FCRL1: variants seen among roughly 807,000 people sequenced by gnomAD.
The protein encoded by FCRL1 is Fc receptor like 1.
A neutral mutation model predicts 49.2 loss-of-function variants in FCRL1; 34 were observed. The observed-to-expected ratio is 0.69, with a 90% confidence interval of 0.53 to 0.92. The LOEUF is 0.92. FCRL1 is among the 40% of genes least tolerant of loss of function. FCRL1 has a pLI of 0.00. For synonymous variants in FCRL1, 218 were observed against 201.6 expected (o/e 1.08, Z -0.69); for missense variants, 524 against 524.1 (o/e 1.00, Z 0.00).
intron 1 of FCRL1, among the ~76,000 whole-genome samples, chr1:157,812,613 G>C (rs1451186545): frequency 6.6e-6 from 1 of 151,842 alleles, no homozygotes. Context: ...TTGCCTGTTG[G>C]GCCTGAGATA....
chr1:157,814,537 G>A (rs10908592), intron 1 of FCRL1, among the ~76,000 whole-genome samples: 66,779 of 151,582 alleles, frequency 0.44, 15,012 homozygotes, highest in African/African-American at 0.53. Flanking sequence ...ATAAACAACA[G>A]GAGAGAAACA....
intron 1 of FCRL1, among the ~76,000 whole-genome samples, chr1:157,817,606 T>A (rs970757503): frequency 2.6e-5 from 4 of 152,122 alleles, no homozygotes; most frequent in Admixed American, 2.0e-4. Flanking sequence ...TCTATGTCAC[T>A]GATTTGGGCA....
chr1:157,797,338 G>A (rs941816057), intron 9 of FCRL1, among the ~76,000 whole-genome samples: 2 of 152,186 alleles, frequency 1.3e-5, no homozygotes, highest in Non-Finnish European at 2.9e-5. Flanking sequence ...GGGAGGGTAA[G>A]TAGACCCTCT....
intron 10 of FCRL1, among the ~76,000 whole-genome samples, chr1:157,796,877 T>C (rs1017826685): frequency 2.6e-5 from 4 of 152,274 alleles, no homozygotes; most frequent in African/African-American, 9.6e-5. Flanking sequence ...ATCATTCATG[T>C]GTCCATTGCT....
intron 7 of FCRL1, among the ~76,000 whole-genome samples, chr1:157,798,782 A>G (rs1037524634): frequency 6.6e-6 from 1 of 152,218 alleles, no homozygotes; most frequent in Non-Finnish European, 1.5e-5. Flanking sequence ...CTAAACATCT[A>G]AAGAACTTCA....
rs1305557372 is a variant in FCRL1 at position 157,795,862 on chromosome 1, C to T, written c.*237G>A. The T allele has an allele frequency of 9.0e-6, 4 of 444,538 alleles. No individual in the cohort carries two copies. The highest frequency in any genetic ancestry group is 5.8e-5 in the African/African-American group (3 of 51,472). 27.5% of individuals were successfully genotyped at this position (444,538 alleles called of 1,614,324 possible). On this transcript the variant is annotated 3_prime_UTR_variant, in exon 11 of 11. Coordinates refer to ENST00000368176, the MANE Select transcript of FCRL1 (RefSeq NM_052938.5). ...TATGACCTGTTTTCAAAGGAGCCGG[C>T]AGGAATCTGGTTCTGATAACAAAGT... is the stretch of plus-strand genomic sequence containing the variant.
intron 1 of FCRL1, among the ~76,000 whole-genome samples, chr1:157,808,331 G>C (rs1258086654): frequency 6.6e-6 from 1 of 152,162 alleles, no homozygotes; most frequent in Non-Finnish European, 1.5e-5. Flanking sequence ...AAGATACAGA[G>C]CATCTTAAGA....
intron 1 of FCRL1, among the ~76,000 whole-genome samples, chr1:157,816,873 C>T (rs1655106134): frequency 6.6e-6 from 1 of 151,414 alleles, no homozygotes; most frequent in African/African-American, 2.4e-5. Context: ...AGTGAACTAC[C>T]TGCAAAAGAA....
chr1:157,810,114 A>G (rs1225943799), intron 1 of FCRL1, among the ~76,000 whole-genome samples: 2 of 152,174 alleles, frequency 1.3e-5, no homozygotes, highest in Non-Finnish European at 2.9e-5. Context: ...CAACATGAAG[A>G]TGGTTGATGC....
rs1193355145 is a variant in FCRL1 at position 157,802,117 on chromosome 1, G to T, written c.684C>A (p.His228Gln). 1.2e-6 allele frequency: 2 copies of T among 1,614,086 alleles called. No individual in the cohort carries two copies. The highest frequency in any genetic ancestry group is 1.7e-6 in the Non-Finnish European group (2 of 1,180,024). The change falls in exon 5 of 11, where the codon CAC becomes CAA. Residue 228 changes from histidine to glutamine, a missense_variant. Physicochemically the swap from His to Gln is conservative, Grantham distance 24. Transcript: ENST00000368176. The stretch of plus-strand genomic sequence containing the variant: ...GAGGAGAGCCTCTCAGGGCCTCACA[G>T]TGAAGCTCCAGCACATCCTCCACTG... The part of the protein sequence containing the change: ...QAAVEDVLEL[H>Q]CEALRGSPPI...
Position 157,802,561 on chromosome 1 carries a change from T to G in FCRL1, c.423A>C (p.Gly141=). The change falls in exon 4 of 11, where the codon GGA becomes GGC. Residue 141 remains glycine, a synonymous_variant. Coordinates refer to ENST00000368176, the MANE Select transcript of FCRL1 (RefSeq NM_052938.5). ...VLICSVAMGT[G]DITFLWYKGA... Reference sequence around the variant, plus strand: ...CTTTGTACCAAAGGAAGGTGATGTCTCCTGTGCCCATAGCAACTGAGCAGA... The same window carrying G: ...CTTTGTACCAAAGGAAGGTGATGTCGCCTGTGCCCATAGCAACTGAGCAGA... 1 of 1,614,176 alleles carries G rather than the reference T, an allele frequency of 6.2e-7. No individual in the cohort carries two copies. The highest frequency in any genetic ancestry group is 8.5e-7 in the Non-Finnish European group (1 of 1,180,012).
At chr1:157,806,987 C>T in intron 2 of FCRL1, 115 bp downstream of exon 2, 1 of 1,153,008 alleles carries the variant, frequency 8.7e-7, no homozygotes, top group Non-Finnish European at 1.3e-6. Context: ...AGCTGTCACC[C>T]TGATATGTTT....
chr1:157,798,129 A>G (rs773765623), intron 8 of FCRL1, 32 bp downstream of exon 8: 1 of 1,594,462 alleles, frequency 6.3e-7, no homozygotes, highest in East Asian at 2.2e-5. Context: ...TTGCTGTACC[A>G]TCGTTGGCCT....
At chr1:157,816,864 G>C (rs1212143398) in intron 1 of FCRL1, among the ~76,000 whole-genome samples, 3 of 151,578 alleles carry the variant, frequency 2.0e-5, no homozygotes, top group Non-Finnish European at 3.0e-5. Flanking sequence ...TATACTAATA[G>C]TGAACTACCT....
intron 9 of FCRL1, 188 bp downstream of exon 9, chr1:157,797,680 C>A (rs973510882): frequency 4.1e-6 from 6 of 1,452,928 alleles, no homozygotes; most frequent in Non-Finnish European, 5.7e-6. Flanking sequence ...AAAGAAAGAA[C>A]CTTAGCATTA....
At chr1:157,797,213 C>T in intron 9 of FCRL1, 81 bp from the exon 10 acceptor site, 2 of 1,247,470 alleles carry the variant, frequency 1.6e-6, no homozygotes, top group Non-Finnish European at 2.4e-6. Context: ...AAAGCTTCTT[C>T]CTCTCCCATC....
chr1:157,797,954 G>T lies in FCRL1; in HGVS notation c.1115-15C>A. The T allele has an allele frequency of 1.2e-6, 2 of 1,613,520 alleles. No individual in the cohort carries two copies. The highest frequency in any genetic ancestry group is 1.7e-6 in the Non-Finnish European group (2 of 1,179,448). On this transcript the variant is annotated splice_polypyrimidine_tract_variant and intron_variant, in intron 8 of 10. Coordinates refer to ENST00000368176, the MANE Select transcript of FCRL1 (RefSeq NM_052938.5). ...TACAACATTCACTGCAAGAGAAGGA[G>T]GGAGACTTCATGACACAGCCCCTGA... is the stretch of plus-strand genomic sequence containing the variant.
intron 3 of FCRL1, among the ~76,000 whole-genome samples, chr1:157,802,947 A>C (rs1440325977): frequency 6.6e-6 from 1 of 152,198 alleles, no homozygotes; most frequent in Non-Finnish European, 1.5e-5. Flanking sequence ...TTCAAGAAAC[A>C]ATAGTATAGT....
At chr1:157,816,900 C>T (rs1283773183) in intron 1 of FCRL1, among the ~76,000 whole-genome samples, 1 of 151,686 alleles carries the variant, frequency 6.6e-6, no homozygotes, top group African/African-American at 2.4e-5. Flanking sequence ...AAAACAATCC[C>T]ATTCACAATA....
Sources: allele counts gnomAD v4.1 joint callset (sites outside exome capture counted in the v4.1 genomes callset), GRCh38; gene constraint gnomAD v4.1.1; transcripts MANE v1.5; gene names NCBI Gene and HGNC (gene_info 2026-07-23, HGNC 2026-07-21).